The following BCAT1 variants were observed in gnomAD, a reference collection of about 807,000 sequenced individuals.
BCAT1 encodes the protein branched chain amino acid transaminase 1.
A neutral mutation model predicts 52.4 loss-of-function variants in BCAT1; 48 were observed. That is an observed-to-expected ratio of 0.92 (90% CI 0.73 to 1.16). The LOEUF (loss-of-function observed/expected upper bound fraction) is 1.16. BCAT1 is among the 50% of genes most tolerant of loss of function. The probability of loss-of-function intolerance (pLI) is 0.00; values close to 1 mark genes in which losing one functional copy is unlikely to be tolerated. For missense variants in BCAT1, 451 were observed against 457.1 expected (o/e 0.99, Z 0.12); for synonymous variants, 167 against 161.3 (o/e 1.04, Z -0.27).
chr12:24,886,176 G>A (rs1427723246), intron 3 of BCAT1, among the ~76,000 whole-genome samples: 1 of 152,218 alleles, frequency 6.6e-6, no homozygotes, highest in Non-Finnish European at 1.5e-5. Context: ...CCAGCACTTT[G>A]AGAAGCTGAA....
chr12:24,875,167 ACCAGTCTTCCAG>A (rs1942295695), intron 5 of BCAT1, among the ~76,000 whole-genome samples: 1 of 152,206 alleles, frequency 6.6e-6, no homozygotes, highest in Non-Finnish European at 1.5e-5. Flanking sequence ...AGCTACTGGC[ACCAGTCTTCCAG>A]CCAGTACTTC....
chr12:24,948,340 G>A (rs560720547), intron 1 of BCAT1, among the ~76,000 whole-genome samples: 151 of 152,340 alleles, frequency 9.9e-4, no homozygotes, highest in African/African-American at 3.3e-3. Context: ...CCATTAGGGT[G>A]CTCACTGGTT....
chr12:24,902,669 C>T (rs1943143692), intron 1 of BCAT1: 2 of 515,620 alleles, frequency 3.9e-6, no homozygotes, highest in South Asian at 5.7e-5. Flanking sequence ...ACCCTCACGT[C>T]CCCCGTGGCG....
At chr12:24,907,387 G>T (rs1309550632) in intron 1 of BCAT1, among the ~76,000 whole-genome samples, 1 of 152,196 alleles carries the variant, frequency 6.6e-6, no homozygotes, top group Non-Finnish European at 1.5e-5. Context: ...ATGATGGGAA[G>T]TTCATGTCTG....
chr12:24,873,835 AT>A (rs1260419597), intron 5 of BCAT1, among the ~76,000 whole-genome samples: 1 of 152,152 alleles, frequency 6.6e-6, no homozygotes, highest in Non-Finnish European at 1.5e-5. Context: ...GTAGCCTGGT[AT>A]TTTTAATTGC....
At chr12:24,823,922 T>G (rs1284073794) in intron 10 of BCAT1, among the ~76,000 whole-genome samples, 3 of 152,198 alleles carry the variant, frequency 2.0e-5, no homozygotes, top group Admixed American at 2.0e-4. Flanking sequence ...ATCTTACTTT[T>G]AAAAATGCTC....
At chr12:24,924,584 C>T (rs1010750185) in intron 1 of BCAT1, among the ~76,000 whole-genome samples, 24 of 151,804 alleles carry the variant, frequency 1.6e-4, no homozygotes, top group African/African-American at 5.8e-4. Context: ...TGGCTCTAAT[C>T]ATAAAGATAA....
At chr12:24,839,473 G>T (rs1941107973) in intron 7 of BCAT1, among the ~76,000 whole-genome samples, 1 of 152,208 alleles carries the variant, frequency 6.6e-6, no homozygotes, top group Non-Finnish European at 1.5e-5. Context: ...CAGGGTCCAG[G>T]ATATGATACA....
chr12:24,835,666 C>T (rs528372606), intron 8 of BCAT1, among the ~76,000 whole-genome samples: 118 of 151,906 alleles, frequency 7.8e-4, no homozygotes, highest in Non-Finnish European at 1.3e-3. Context: ...TAGCTCACTG[C>T]GACCTTGACC....
chr12:24,931,130 C>T (rs1943670473), intron 1 of BCAT1, among the ~76,000 whole-genome samples: 2 of 152,036 alleles, frequency 1.3e-5, no homozygotes, highest in African/African-American at 4.8e-5. Context: ...TCTTGAGCTC[C>T]TGACCTCAGG....
In BCAT1 at chr12:24,813,464, T is replaced by G. The variant is rs766733547; in HGVS notation, c.*4544A>C. On this transcript the variant is annotated 3_prime_UTR_variant, in exon 11 of 11. Transcript: ENST00000261192. ...CATAATAGATATTTTCTAGAAAAATTCACTCTAGGATCATTTTCTTTGTTT... is the reference window on the plus strand; with the variant it reads ...CATAATAGATATTTTCTAGAAAAATGCACTCTAGGATCATTTTCTTTGTTT... 1 of 152,054 alleles carries G rather than the reference T, an allele frequency of 6.6e-6. No individual in the cohort carries two copies. Among genetic ancestry groups the G allele is most frequent in the Non-Finnish European group, 1.5e-5 (1 of 67,914 alleles). The allele number at this position is 152,054 out of a possible 1,614,324, so 9.4% of individuals were successfully genotyped here.
At position 24,816,935 on chromosome 12, in the gene BCAT1, A is replaced by C. The variant is rs1939896607; in HGVS notation, c.*1073T>G. The C allele has an allele frequency of 4.8e-6, 1 of 208,010 alleles. No individual in the cohort carries two copies. Among genetic ancestry groups the C allele is most frequent in the Admixed American group, 5.9e-5 (1 of 16,870 alleles). The allele number at this position is 208,010 out of a possible 1,614,324, so 12.9% of individuals were successfully genotyped here. On this transcript the variant is annotated 3_prime_UTR_variant, in exon 11 of 11. Transcript: ENST00000261192. ...GAGGTGGAGTTCAGGTGGTAATTCG[A>C]GTGATGGGAAGTAGCCATAAATACA...
chr12:24,830,117 T>C lies in BCAT1; in HGVS notation c.1045-220A>G, dbSNP rs1591781972. 35 of 386,918 alleles carry C rather than the reference T, an allele frequency of 9.0e-5. No individual in the cohort carries two copies. In the East Asian group the frequency reaches 1.3e-3, roughly 15 times the overall value. 24.0% of individuals were successfully genotyped at this position (386,918 alleles called of 1,614,324 possible). ...AATGACAGGTTATACATTGCCTACC[T>C]ACCAATTAATTTTAGGGCATAACTG... On this transcript the variant is annotated intron_variant, in intron 9 of 10. Transcript: ENST00000261192.
chr12:24,939,476 C>A (rs1436097424), intron 1 of BCAT1, among the ~76,000 whole-genome samples: 2 of 152,094 alleles, frequency 1.3e-5, no homozygotes, highest in South Asian at 2.1e-4. Context: ...AGATAATTTT[C>A]AATTAGTTAA....
At chr12:24,828,888 T>C (rs1940520583) in intron 10 of BCAT1, among the ~76,000 whole-genome samples, 1 of 151,882 alleles carries the variant, frequency 6.6e-6, no homozygotes, top group African/African-American at 2.4e-5. Flanking sequence ...AGACCTGTAA[T>C]CCCAGCTACT....
intron 3 of BCAT1, among the ~76,000 whole-genome samples, chr12:24,889,687 G>A (rs2139635561): frequency 6.6e-6 from 1 of 152,306 alleles, no homozygotes; most frequent in East Asian, 1.9e-4. Context: ...CTTTCTAACT[G>A]TGAGTCTTAA....
At chr12:24,946,039 G>T (rs1374314214) in intron 1 of BCAT1, among the ~76,000 whole-genome samples, 1 of 152,074 alleles carries the variant, frequency 6.6e-6, no homozygotes, top group Non-Finnish European at 1.5e-5. Flanking sequence ...AATAAAGAAA[G>T]TTCTTTATTT....
At chr12:24,876,523 A>G (rs1012000965) in intron 5 of BCAT1, among the ~76,000 whole-genome samples, 5 of 152,192 alleles carry the variant, frequency 3.3e-5, no homozygotes, top group South Asian at 4.1e-4. Flanking sequence ...AAAAAAAGCA[A>G]TTGACAAAAT....
At chr12:24,885,828 T>A (rs913674048) in intron 3 of BCAT1, among the ~76,000 whole-genome samples, 1 of 152,034 alleles carries the variant, frequency 6.6e-6, no homozygotes, top group Non-Finnish European at 1.5e-5. Context: ...TGGGTATACA[T>A]AGGTGGAAAA....
Sources: gnomAD v4.1 joint callset for allele counts (sites outside exome capture counted in the v4.1 genomes callset) on GRCh38, gnomAD v4.1.1 for gene constraint, MANE v1.5 for transcripts, NCBI Gene and HGNC (gene_info 2026-07-23, HGNC 2026-07-21) for gene names.